The following DLGAP2 variants were observed in gnomAD, a reference collection of about 807,000 sequenced individuals.
DLGAP2 encodes the protein DLG associated protein 2, also known as disks large-associated protein 2.
In DLGAP2, 26 loss-of-function variants were observed where a neutral mutation model predicts 100.3. The ratio of observed to expected loss-of-function variants is 0.26; its 90% CI spans 0.19 to 0.36. DLGAP2 has a LOEUF of 0.36. DLGAP2 is among the 10% of genes least tolerant of loss of function. The pLI is 1.00. For missense variants in DLGAP2, 1,858 were observed against 1,453.2 expected, an observed-to-expected ratio of 1.28 and a Z score of -4.53; for synonymous variants, 886 against 630.1, an observed-to-expected ratio of 1.41 and a Z score of -6.08.
chr8:937,565 G>A (rs1799100162), intron 2 of DLGAP2, among the ~76,000 whole-genome samples: 1 of 152,180 alleles, frequency 6.6e-6, no homozygotes, highest in Non-Finnish European at 1.5e-5. Context: ...CAGAGAGAGA[G>A]CAATCTTTCT....
chr8:1,458,616 C>G (rs1584924559), intron 3 of DLGAP2, among the ~76,000 whole-genome samples: 2 of 152,312 alleles, frequency 1.3e-5, no homozygotes, highest in East Asian at 3.9e-4. Context: ...GGTTTTTTAT[C>G]AAACTCAAAA....
chr8:1,306,982 G>T lies in DLGAP2; in HGVS notation c.106+48099G>T, dbSNP rs193188074. On this transcript the variant is annotated intron_variant, in intron 3 of 14. Transcript: ENST00000637795. Reference sequence around the variant, plus strand: ...GGATAAGCTTTATGACATTGGACTTGACAGTGATCTTGGATACCAAAAGTA... The same window carrying T: ...GGATAAGCTTTATGACATTGGACTTTACAGTGATCTTGGATACCAAAAGTA... Among the ~76,000 whole-genome samples, 4 of 152,126 alleles carry T rather than the reference G, an allele frequency of 2.6e-5. No individual in the cohort carries two copies. The East Asian group carries it at 7.7e-4, about 29-fold the overall frequency.
chr8:1,543,266 C>T (rs1262121372), intron 4 of DLGAP2, among the ~76,000 whole-genome samples: 1 of 152,116 alleles, frequency 6.6e-6, no homozygotes, highest in African/African-American at 2.4e-5. Flanking sequence ...GAAACCATTG[C>T]CTGGTTCACA....
At chr8:1,013,170 C>G (rs143338799) in intron 2 of DLGAP2, among the ~76,000 whole-genome samples, 2 of 152,208 alleles carry the variant, frequency 1.3e-5, no homozygotes, top group African/African-American at 2.4e-5. Context: ...CTGCTAATTC[C>G]TTTCATACGT....
At chr8:1,578,975 T>A (rs1240999792) in intron 6 of DLGAP2, among the ~76,000 whole-genome samples, 1 of 152,204 alleles carries the variant, frequency 6.6e-6, no homozygotes, top group Non-Finnish European at 1.5e-5. Context: ...TCCTACTGAA[T>A]CCAATTTACT....
At chr8:1,131,323 C>A (rs1796289028) in intron 2 of DLGAP2, among the ~76,000 whole-genome samples, 1 of 152,138 alleles carries the variant, frequency 6.6e-6, no homozygotes, top group African/African-American at 2.4e-5. Flanking sequence ...AAAACAGCAC[C>A]TTCATGTATC....
rs559206631 is a variant in DLGAP2 at position 756,119 on chromosome 8, G to A, written c.18+18294G>A. On this transcript the variant is annotated intron_variant, in intron 1 of 14. Transcript: ENST00000637795. ...TTTGTGCTAATAGTCATAAGAACAC[G>A]CTGAGTTTGTGGCTGGAATACCTTG... 2.6e-5 allele frequency among the ~76,000 whole-genome samples: 4 copies of A among 152,262 alleles called. No homozygotes were observed. In the South Asian group the frequency reaches 6.2e-4, roughly 24 times the overall value.
intron 3 of DLGAP2, among the ~76,000 whole-genome samples, chr8:1,417,727 A>ACGGGGAGGCCACACTCCTGCCT: frequency 2.7e-5 from 3 of 111,482 alleles, no homozygotes; most frequent in Non-Finnish European, 4.0e-5. Context: ...GAGGCTCCAG[A>ACGGGGAGGCCACACTCCTGCCT]CACAGAAGCC....
intron 4 of DLGAP2, among the ~76,000 whole-genome samples, chr8:1,537,443 C>T (rs1253597002): frequency 1.3e-5 from 2 of 152,246 alleles, no homozygotes; most frequent in Middle Eastern, 3.4e-3. Context: ...CAAACCCTTC[C>T]CTGATTCTCC....
At chr8:936,316 T>C (rs143548810) in intron 2 of DLGAP2, among the ~76,000 whole-genome samples, 11 of 152,186 alleles carry the variant, frequency 7.2e-5, no homozygotes, top group Middle Eastern at 3.4e-3. Flanking sequence ...TGCTTCTACA[T>C]TGGAAAAAGC....
rs556206999 is a variant in DLGAP2, at chr8:1,518,856, G to T, written c.172+17425G>T. On this transcript the variant is annotated intron_variant, in intron 4 of 14. Transcript: ENST00000637795. ...GTATGTGTGTGCACATCAGCATTCAGTGGATACTGAGCGGCATCTGGATAT... is the reference window on the plus strand; with the variant it reads ...GTATGTGTGTGCACATCAGCATTCATTGGATACTGAGCGGCATCTGGATAT... Among the ~76,000 whole-genome samples the T allele has an allele frequency of 3.9e-5, 6 of 152,348 alleles. No individual in the cohort carries two copies. In the South Asian group the frequency reaches 1.2e-3, roughly 32 times the overall value.
chr8:920,842 T>C (rs1798698592), intron 2 of DLGAP2, among the ~76,000 whole-genome samples: 1 of 152,208 alleles, frequency 6.6e-6, no homozygotes, highest in Non-Finnish European at 1.5e-5. Context: ...CAGATACACT[T>C]TGCCCGAAAA....
At position 1,678,575 on chromosome 8, in the gene DLGAP2, G is replaced by A. The variant is rs769814961; in HGVS notation, c.2650G>A (p.Gly884Ser). 3.8e-6 allele frequency: 6 copies of A among 1,582,562 alleles called. No individual in the cohort carries two copies. The East Asian group carries it at 9.3e-5, about 24-fold the overall frequency. ...LLHAETKRME[G>S]WCKEMEREAE... ...GCACGCAGAGACAAAGAGGATGGAA[G>A]GCTGGTGCAAAGAGATGGAGAGAGA... Residue 884 changes from glycine (G) to serine (S), a missense_variant, in exon 12 of 15, where the codon GGC becomes AGC. Transcript: ENST00000637795.
chr8:1,005,863 C>T (rs370901703), intron 2 of DLGAP2, among the ~76,000 whole-genome samples: 2 of 152,090 alleles, frequency 1.3e-5, no homozygotes, highest in East Asian at 3.9e-4. Flanking sequence ...CTCCAGATGT[C>T]CCATGACTGG....
In DLGAP2 at chr8:957,146, G is replaced by A. The variant is rs147170988; in HGVS notation, c.73+49180G>A. 1.4e-3 allele frequency among the ~76,000 whole-genome samples: 208 copies of A among 152,350 alleles called. 1 individual carries two copies. Among genetic ancestry groups the A allele is most frequent in the African/African-American group, 4.8e-3 (201 of 41,586 alleles). Reference sequence around the variant, plus strand: ...GTCAGTTGGAAACATGGGGAATGAGGCCTTTAGCTGGCTTCGGAGAGAGTC... The same window carrying A: ...GTCAGTTGGAAACATGGGGAATGAGACCTTTAGCTGGCTTCGGAGAGAGTC... On this transcript the variant is annotated intron_variant, in intron 2 of 14. Coordinates refer to ENST00000637795, the MANE Select transcript of DLGAP2 (RefSeq NM_001346810.2).
At chr8:1,177,123 G>A (rs962348922) in intron 2 of DLGAP2, among the ~76,000 whole-genome samples, 1 of 152,184 alleles carries the variant, frequency 6.6e-6, no homozygotes, top group Non-Finnish European at 1.5e-5. Context: ...TGGTCTAAAA[G>A]TCCCAGCCTT....
chr8:1,479,860 A>G (rs920136682), intron 3 of DLGAP2, among the ~76,000 whole-genome samples: 1 of 152,196 alleles, frequency 6.6e-6, no homozygotes, highest in African/African-American at 2.4e-5. Context: ...GTTGGGATGG[A>G]AAATGTGAAT....
intron 1 of DLGAP2, among the ~76,000 whole-genome samples, chr8:901,773 G>T (rs2093111133): frequency 6.6e-6 from 1 of 152,222 alleles, no homozygotes; most frequent in Non-Finnish European, 1.5e-5. Context: ...TTCTCCTGAC[G>T]CTTGAGCTTG....
chr8:1,344,117 G>GGGGCCCTGTCGTGGGTCCATGTATTCA (rs1801488625), intron 3 of DLGAP2, among the ~76,000 whole-genome samples: 18 of 125,632 alleles, frequency 1.4e-4, no homozygotes, highest in African/African-American at 4.1e-4. Context: ...CCATGTATTC[G>GGGGCCCTGTCGTGGGTCCATGTATTCA]GGGCCCTGTC....
Sources: gnomAD v4.1 joint callset for allele counts (sites outside exome capture counted in the v4.1 genomes callset) on GRCh38, gnomAD v4.1.1 for gene constraint, MANE v1.5 for transcripts, NCBI Gene and HGNC (gene_info 2026-07-23, HGNC 2026-07-21) for gene names.